SUPT3H: variants seen among roughly 807,000 people sequenced by gnomAD.
SUPT3H encodes the protein transcription initiation protein SPT3 homolog.
A neutral mutation model predicts 44.3 loss-of-function variants in SUPT3H; 44 were observed. That is an observed-to-expected ratio of 0.99 (90% CI 0.78 to 1.28). The LOEUF (loss-of-function observed/expected upper bound fraction) is 1.28, where lower values mean the gene tolerates loss of function less well. SUPT3H is among the 50% of genes most tolerant of loss of function. The probability of loss-of-function intolerance (pLI) is 0.00; values close to 1 mark genes in which losing one functional copy is unlikely to be tolerated. For synonymous variants in SUPT3H, 124 were observed against 125.6 expected (o/e 0.99, Z 0.09); for missense variants, 380 against 387.1 (o/e 0.98, Z 0.15).
intron 9 of SUPT3H, among the ~76,000 whole-genome samples, chr6:44,951,762 C>A (rs971586786): frequency 3.3e-5 from 5 of 152,114 alleles, no homozygotes; most frequent in African/African-American, 1.2e-4. Flanking sequence ...AAAGAGTTTT[C>A]CTAGGCATGC....
At chr6:44,963,621 T>A (rs1430638233) in intron 6 of SUPT3H, among the ~76,000 whole-genome samples, 1 of 152,256 alleles carries the variant, frequency 6.6e-6, no homozygotes, top group Non-Finnish European at 1.5e-5. Context: ...CTTTTTAATG[T>A]ATCTGACACA....
intron 2 of SUPT3H, among the ~76,000 whole-genome samples, chr6:45,230,264 A>C (rs552232445): frequency 1.3e-5 from 2 of 152,130 alleles, no homozygotes; most frequent in Non-Finnish European, 1.5e-5. Flanking sequence ...AGTCTAGTTT[A>C]AGTCTAACGT....
chr6:45,270,736 C>T (rs1370880846), intron 2 of SUPT3H, among the ~76,000 whole-genome samples: 1 of 152,172 alleles, frequency 6.6e-6, no homozygotes, highest in East Asian at 1.9e-4. Context: ...AATGTGAAAG[C>T]AACTTTGGAA....
chr6:44,876,731 A>C (rs1460677861), intron 10 of SUPT3H, among the ~76,000 whole-genome samples: 1 of 151,740 alleles, frequency 6.6e-6, no homozygotes, highest in Non-Finnish European at 1.5e-5. Flanking sequence ...CATCAAGGGA[A>C]ATTAGAAAAT....
downstream of SUPT3H, among the ~76,000 whole-genome samples, chr6:44,824,745 C>T (rs1308732409): frequency 6.6e-6 from 1 of 152,114 alleles, no homozygotes; most frequent in Non-Finnish European, 1.5e-5. Context: ...CTCTCTCTCT[C>T]TGTAAAACAA....
At chr6:45,015,214 C>T (rs1194656146) in intron 4 of SUPT3H, among the ~76,000 whole-genome samples, 2 of 152,120 alleles carry the variant, frequency 1.3e-5, no homozygotes, top group African/African-American at 4.8e-5. Flanking sequence ...AATACACTTA[C>T]ACAAACCTAG....
At chr6:45,318,107 A>C (rs1353004258) in intron 2 of SUPT3H, among the ~76,000 whole-genome samples, 1 of 152,186 alleles carries the variant, frequency 6.6e-6, no homozygotes, top group African/African-American at 2.4e-5. Flanking sequence ...ACTACATGAC[A>C]TACTGGAAAA....
In SUPT3H at chr6:44,828,844, CTT is replaced by C; in HGVS notation, c.*970_*971del. The C allele has an allele frequency of 6.6e-6, 1 of 152,648 alleles. No individual in the cohort carries two copies. Among genetic ancestry groups the C allele is most frequent in the Middle Eastern group, 3.4e-3 (1 of 294 alleles). The allele number at this position is 152,648 out of a possible 1,614,324, so 9.5% of individuals were successfully genotyped here. A position where few individuals can be genotyped will look rare whatever the true frequency, so the allele number is the denominator to read the frequency against. ...AACTCCCACAGAATTAAAGAAATAA[CTT>C]TCTTTTTTGCAACTGAAGTTTAATC... On this transcript the variant is annotated 3_prime_UTR_variant, in exon 11 of 11. Transcript: ENST00000371459.
chr6:45,246,484 G>A (rs1321259967), intron 2 of SUPT3H, among the ~76,000 whole-genome samples: 1 of 152,070 alleles, frequency 6.6e-6, no homozygotes, highest in East Asian at 1.9e-4. Flanking sequence ...TTTGCACTAA[G>A]TTAAAATTAT....
Position 44,888,150 on chromosome 6 carries a change from G to T in SUPT3H, c.912+44503C>A, listed in dbSNP as rs533003987. On this transcript the variant is annotated intron_variant, in intron 10 of 10. Coordinates refer to ENST00000371459, the MANE Select transcript of SUPT3H (RefSeq NM_003599.4). ...GGCTTACCAACCAAAAAGTGTCCAG[G>T]ACCAGAAGGATTCACAGCCGAATTC... Among the ~76,000 whole-genome samples the T allele has an allele frequency of 3.9e-5, 6 of 152,254 alleles. No individual in the cohort carries two copies. In the East Asian group the frequency reaches 1.2e-3, roughly 29 times the overall value.
chr6:45,141,443 T>G (rs570919020), intron 2 of SUPT3H, among the ~76,000 whole-genome samples: 1 of 151,782 alleles, frequency 6.6e-6, no homozygotes, highest in South Asian at 2.1e-4. Context: ...AATAAGTTTT[T>G]TTTAAAAGTA....
At chr6:45,147,473 CAAAG>C (rs1046720757) in intron 2 of SUPT3H, among the ~76,000 whole-genome samples, 65 of 152,074 alleles carry the variant, frequency 4.3e-4, no homozygotes, top group African/African-American at 1.5e-3. Flanking sequence ...TCTCTGAACA[CAAAG>C]AACTTAGACT....
At chr6:44,965,259 T>A (rs776639363) in intron 6 of SUPT3H, among the ~76,000 whole-genome samples, 10 of 152,200 alleles carry the variant, frequency 6.6e-5, no homozygotes, top group Non-Finnish European at 1.3e-4. Flanking sequence ...ATTCACTCTC[T>A]GGATGCTGAA....
At chr6:44,843,904 A>AAC (rs58737760) in intron 10 of SUPT3H, among the ~76,000 whole-genome samples, 7 of 118,546 alleles carry the variant, frequency 5.9e-5, no homozygotes, top group African/African-American at 1.9e-4. Context: ...TGAACAGCCA[A>AAC]ACACACACAC....
chr6:44,935,553 T>G (rs1212718408), intron 9 of SUPT3H, among the ~76,000 whole-genome samples: 1 of 152,194 alleles, frequency 6.6e-6, no homozygotes, highest in African/African-American at 2.4e-5. Context: ...GGATATAAAC[T>G]CTGTATTTCT....
At chr6:44,895,145 A>G (rs1013427059) in intron 10 of SUPT3H, among the ~76,000 whole-genome samples, 17 of 152,102 alleles carry the variant, frequency 1.1e-4, no homozygotes, top group Non-Finnish European at 2.1e-4. Context: ...AAGAAAGTCC[A>G]TTTCATAATT....
intron 11 of SUPT3H, among the ~76,000 whole-genome samples, chr6:44,815,063 C>T (rs970529376): frequency 5.9e-5 from 9 of 152,026 alleles, no homozygotes; most frequent in Non-Finnish European, 1.2e-4. Context: ...GAAGTATGTA[C>T]TTTATGAACA....
chr6:45,238,795 T>A (rs747143954), intron 2 of SUPT3H, among the ~76,000 whole-genome samples: 1 of 152,176 alleles, frequency 6.6e-6, no homozygotes, highest in Non-Finnish European at 1.5e-5. Flanking sequence ...AAAATTATTG[T>A]CCCTCTCACG....
chr6:45,029,069 T>C (rs995117039), intron 3 of SUPT3H, among the ~76,000 whole-genome samples: 13 of 151,918 alleles, frequency 8.6e-5, no homozygotes, highest in South Asian at 4.1e-4. Context: ...TTTAAGGTAT[T>C]TGACGTAGTA....
Sources: allele counts gnomAD v4.1 joint callset (sites outside exome capture counted in the v4.1 genomes callset), GRCh38; gene constraint gnomAD v4.1.1; transcripts MANE v1.5; gene names NCBI Gene and HGNC (gene_info 2026-07-23, HGNC 2026-07-21).